Variants in ADAM8 observed in about 807,000 individuals in gnomAD.
The protein encoded by ADAM8 is disintegrin and metalloproteinase domain-containing protein 8.
Under a neutral mutation model 102.4 loss-of-function variants are expected in ADAM8, and 104 were observed. That is an observed-to-expected ratio of 1.02 (90% CI 0.87 to 1.20). ADAM8 has a LOEUF of 1.20. Ranked by LOEUF, ADAM8 falls within the 50% of genes most tolerant of loss-of-function variation. ADAM8 has a pLI of 0.00. For synonymous variants in ADAM8, 517 were observed against 485.2 expected (o/e 1.07, Z -0.86); for missense variants, 1,132 against 1,159.0 (o/e 0.98, Z 0.34).
chr10:133,269,241 C>T, intron 18 of ADAM8: 1 of 949,328 alleles, frequency 1.1e-6, no homozygotes, highest in Middle Eastern at 5.5e-4. Context: ...TCGGCCACTG[C>T]CTCCCTCTGG....
At chr10:133,272,096 A>T (rs1365394166) in intron 10 of ADAM8, 97 bp downstream of exon 10, 2 of 1,505,110 alleles carry the variant, frequency 1.3e-6, no homozygotes, top group Non-Finnish European at 1.8e-6. Flanking sequence ...ACCTGGCCTG[A>T]GGGGAGGTGG....
At chr10:133,275,942 A>AG in intron 1 of ADAM8, 1 of 235,526 alleles carries the variant, frequency 4.2e-6, no homozygotes, top group Non-Finnish European at 8.2e-6. Flanking sequence ...CGGGCCGCCG[A>AG]CCTGCCCGTT....
rs997539004 is a variant in ADAM8, at chr10:133,275,512, C to G, written c.122G>C (p.Arg41Pro). The change falls in exon 2 of 23, where the codon CGA becomes CCA. Residue 41 changes from arginine (R) to proline (P), a missense_variant. Arg to Pro is a moderately radical substitution (Grantham distance 103). Transcript: ENST00000445355. Reference protein sequence around the residue: ...VVLPWRLPGPRVRRALPSHLG... With the variant: ...VVLPWRLPGPPVRRALPSHLG... ...GTGGGAGGGCAGAGCTCGGCGGACT[C>G]GGGGGCCTGGCAGACGCCACGGCAA... is the stretch of plus-strand genomic sequence containing the variant. The G allele has an allele frequency of 5.2e-6, 8 of 1,528,954 alleles. No individual in the cohort carries two copies. In the African/African-American group the frequency reaches 5.6e-5, roughly 11 times the overall value. The allele number at this position is 1,528,954 out of a possible 1,614,324, so 94.7% of individuals were successfully genotyped here.
intron 17 of ADAM8, 30 bp from the exon 18 acceptor site, chr10:133,269,559 C>A: frequency 1.3e-6 from 2 of 1,564,756 alleles, no homozygotes; most frequent in Non-Finnish European, 1.7e-6. Flanking sequence ...CAGGGCCAAC[C>A]CTGTTGTGGA....
At chr10:133,270,327 G>A in intron 16 of ADAM8, 33 bp downstream of exon 16, 1 of 1,560,722 alleles carries the variant, frequency 6.4e-7, no homozygotes, top group East Asian at 2.3e-5. Context: ...GGGATGCCTG[G>A]GGGGTGGCGC....
At chr10:133,270,146 T>G (rs1282908448) in intron 16 of ADAM8, among the ~76,000 whole-genome samples, 172 bp from the exon 17 acceptor site, 1 of 152,188 alleles carries the variant, frequency 6.6e-6, no homozygotes, top group African/African-American at 2.4e-5. Context: ...GTGGCCCTCC[T>G]GGGGCACGTG....
chr10:133,275,419 G>C, intron 2 of ADAM8, 65 bp downstream of exon 2: 2 of 1,257,942 alleles, frequency 1.6e-6, no homozygotes, highest in South Asian at 2.7e-5. Flanking sequence ...GTAAGCTAAA[G>C]CTCCTTTCAC....
At position 133,270,319 on chromosome 10, in the gene ADAM8, G is replaced by A. The variant is rs760488457; in HGVS notation, c.1785+41C>T. 1.1e-5 allele frequency: 17 copies of A among 1,555,242 alleles called. No homozygotes were observed. The African/African-American group carries it at 1.9e-4, about 17-fold the overall frequency. On this transcript the variant is annotated intron_variant, in intron 16 of 22. Coordinates refer to ENST00000445355, the MANE Select transcript of ADAM8 (RefSeq NM_001109.5). Reference sequence around the variant, plus strand: ...GCACCCACGTGGGGCACATGCCCGGGATGCCTGGGGGGTGGCGCGGCCTCT... The same window carrying A: ...GCACCCACGTGGGGCACATGCCCGGAATGCCTGGGGGGTGGCGCGGCCTCT...
At position 133,263,033 on chromosome 10, in the gene ADAM8, A is replaced by G. The variant is rs762796698; in HGVS notation, c.*123T>C. 1.2e-5 allele frequency: 14 copies of G among 1,174,536 alleles called. No homozygotes were observed. The Admixed American group carries it at 2.4e-4, about 20-fold the overall frequency. 72.8% of individuals were successfully genotyped at this position (1,174,536 alleles called of 1,614,324 possible). ...GTAGATGCATTCCTGAGGTTAGAAC[A>G]GCAGCTGAGCCTGCAAAGTCAGGGT... On this transcript the variant is annotated 3_prime_UTR_variant, in exon 23 of 23. Transcript: ENST00000445355.
Position 133,263,192 on chromosome 10 carries a change from C to T in ADAM8, c.2439G>A (p.Gln813=), listed in dbSNP as rs1429077276. 2.5e-6 allele frequency: 4 copies of T among 1,613,472 alleles called. No individual in the cohort carries two copies. The African/African-American group carries it at 5.3e-5, about 22-fold the overall frequency. ...TGGGAGCTCCGGCTCCTTGCTTCCT[C>T]TGGATGGGGGGCTTCAGGGCAACCT... ...GPKVALKPPI[Q]RKQGAGAPTA... is the part of the protein sequence containing the mutation. The change falls in exon 23 of 23, where the codon CAG becomes CAA. Residue 813 remains glutamine, a synonymous_variant. Transcript: ENST00000445355.
chr10:133,272,097 G>C (rs759112302), intron 10 of ADAM8, 96 bp downstream of exon 10: 1 of 1,502,658 alleles, frequency 6.7e-7, no homozygotes, highest in Non-Finnish European at 9.1e-7. Context: ...CCTGGCCTGA[G>C]GGGAGGTGGC....
At chr10:133,275,124 G>A (rs572582225) in intron 2 of ADAM8, 91 of 319,634 alleles carry the variant, frequency 2.8e-4, no homozygotes, top group Non-Finnish European at 4.0e-4. Context: ...GGAAACCCCC[G>A]CCAGGCCCCC....
intron 16 of ADAM8, 145 bp downstream of exon 16, chr10:133,270,215 C>A: frequency 8.2e-7 from 1 of 1,218,436 alleles, no homozygotes. Context: ...CCCCCGGAAA[C>A]CTTTCAGTCT....
At chr10:133,265,292 C>A (rs373080500) in intron 21 of ADAM8, among the ~76,000 whole-genome samples, 4 of 18,804 alleles carry the variant, frequency 2.1e-4, no homozygotes, top group Admixed American at 4.8e-4. Flanking sequence ...TCTGCCCCAT[C>A]TACCACCACG....
At chr10:133,266,285 G>C (rs1034203507) in intron 21 of ADAM8, among the ~76,000 whole-genome samples, 1 of 152,174 alleles carries the variant, frequency 6.6e-6, no homozygotes, top group African/African-American at 2.4e-5. Context: ...GGGTCGCATT[G>C]GTGACGTGGA....
chr10:133,270,802 C>T lies in ADAM8; in HGVS notation c.1568G>A (p.Gly523Glu). 6.2e-7 allele frequency: 1 copy of T among 1,606,742 alleles called. No homozygotes were observed. Among genetic ancestry groups the T allele is most frequent in the Middle Eastern group, 1.7e-4 (1 of 6,010 alleles). The part of the protein sequence containing the change: ...QQCQAFWGPG[G>E]QAAEESCFSY... ...GAAGCAGGACTCCTCGGCAGCCTGC[C>T]CACCTGTGGGACCAGAAGCGGGTTA... Residue 523 changes from glycine to glutamate, a missense_variant, in exon 15 of 23, where the codon GGG becomes GAG. Coordinates refer to ENST00000445355, the MANE Select transcript of ADAM8 (RefSeq NM_001109.5).
At chr10:133,266,994 T>A (rs1846342541) in intron 21 of ADAM8, among the ~76,000 whole-genome samples, 1 of 151,620 alleles carries the variant, frequency 6.6e-6, no homozygotes, top group Non-Finnish European at 1.5e-5. Context: ...GCGGAACGTG[T>A]CCCTGCCCTG....
Position 133,274,276 on chromosome 10 carries a change from G to A in ADAM8, c.151-41C>T, listed in dbSNP as rs373473389. On this transcript the variant is annotated intron_variant, in intron 2 of 22. Transcript: ENST00000445355. ...AGGGTCCCAGGTGAGCAGCCTGCCC[G>A]GGCTGTGCCCACCTCAATCCTGGGG... is the stretch of plus-strand genomic sequence containing the variant. 6.6e-4 allele frequency: 986 copies of A among 1,497,138 alleles called. 8 individuals are homozygous for A. The highest frequency in any genetic ancestry group is 6.4e-4 in the Middle Eastern group (3 of 4,688). 92.7% of individuals were successfully genotyped at this position (1,497,138 alleles called of 1,614,324 possible).
intron 15 of ADAM8, 92 bp from the exon 16 acceptor site, chr10:133,270,602 G>T (rs1013549389): frequency 1.9e-6 from 3 of 1,542,884 alleles, no homozygotes; most frequent in Non-Finnish European, 2.6e-6. Flanking sequence ...CCCACAACAC[G>T]GTGCGCTTGA....
Sources: gnomAD v4.1 joint callset for allele counts (sites outside exome capture counted in the v4.1 genomes callset) on GRCh38, gnomAD v4.1.1 for gene constraint, MANE v1.5 for transcripts, NCBI Gene and HGNC (gene_info 2026-07-23, HGNC 2026-07-21) for gene names.